The following MMAB variants were observed in gnomAD, a reference collection of about 807,000 sequenced individuals.
MMAB encodes corrinoid adenosyltransferase MMAB.
In MMAB, 17 loss-of-function variants were observed where a neutral mutation model predicts 30.6. That is an observed-to-expected ratio of 0.56 (90% confidence interval 0.38 to 0.83). MMAB has a LOEUF of 0.83. MMAB is among the 40% of genes least tolerant of loss of function. The pLI is 0.00. For synonymous variants in MMAB, 134 were observed against 138.6 expected, an observed-to-expected ratio of 0.97 and a Z score of 0.23; for missense variants, 311 against 331.6, an observed-to-expected ratio of 0.94 and a Z score of 0.48.
Position 109,554,528 on chromosome 12 carries a change from C to G in MMAB, c.*2500G>C, listed in dbSNP as rs1883895814. The G allele has an allele frequency of 2.2e-6, 1 of 454,136 alleles. No homozygotes were observed. Among genetic ancestry groups the G allele is most frequent in the South Asian group, 1.6e-5 (1 of 64,482 alleles). The allele number at this position is 454,136 out of a possible 1,614,324, so 28.1% of individuals were successfully genotyped here. On this transcript the variant is annotated 3_prime_UTR_variant, in exon 9 of 9. Coordinates refer to ENST00000545712, the MANE Select transcript of MMAB (RefSeq NM_052845.4). ...ATCTACGATAAGCAAGGGATCACGA[C>G]TTTAAATAAAAACAGGCTGCTGTTT...
In MMAB at chr12:109,561,495, C is replaced by G; in HGVS notation, c.444G>C (p.Gly148=). The part of the protein sequence containing the change: ...AHLKYTTFKA[G]PILELEQWID... ...TCCACTGCTCCAGCTCCAGGATGGG[C>G]CCCGCCTTGAACGTGGTATACTCTG... The change falls in exon 6 of 9, where the codon GGG becomes GGC. Residue 148 remains glycine, a synonymous_variant. Transcript: ENST00000545712. This position sits in a 1 kb window ranked among gnomAD's most constrained non-coding sequence, Gnocchi z 5.3. The G allele has an allele frequency of 6.5e-7, 1 of 1,549,916 alleles. No individual in the cohort carries two copies. Among genetic ancestry groups the G allele is most frequent in the South Asian group, 1.2e-5 (1 of 84,032 alleles).
chr12:109,555,658 G>T lies in MMAB; in HGVS notation c.*1370C>A, dbSNP rs1192530727. 1 of 451,112 alleles carries T rather than the reference G, an allele frequency of 2.2e-6. No homozygotes were observed. Among genetic ancestry groups the T allele is most frequent in the African/African-American group, 2.0e-5 (1 of 49,862 alleles). 27.9% of individuals were successfully genotyped at this position (451,112 alleles called of 1,614,324 possible). On this transcript the variant is annotated 3_prime_UTR_variant, in exon 9 of 9. Transcript: ENST00000545712. Reference sequence around the variant, plus strand: ...AGGCACGGAACAAAGCCACCTCCTGGAAGGCATTCACACACTCCTGGTCAT... The same window carrying T: ...AGGCACGGAACAAAGCCACCTCCTGTAAGGCATTCACACACTCCTGGTCAT...
rs894120582 is a variant in MMAB at position 109,569,833 on chromosome 12, G to T, written c.197-970C>A. 1.3e-5 allele frequency: 2 copies of T among 158,460 alleles called. No homozygotes were observed. The highest frequency in any genetic ancestry group is 2.8e-5 in the Non-Finnish European group (2 of 71,418). 9.8% of individuals were successfully genotyped at this position (158,460 alleles called of 1,614,324 possible). ...CACTGCGGAAGAACGTCTGAGCACA[G>T]ACGACTGTGTCCAAACTCCAAAAGA... On this transcript the variant is annotated intron_variant, in intron 2 of 8. Transcript: ENST00000545712. This position sits in a 1 kb window ranked among gnomAD's most constrained non-coding sequence, Gnocchi z 4.1.
At chr12:109,560,970 T>TGGGGGGGCC in intron 7 of MMAB, 70 bp downstream of exon 7, 2 of 808,206 alleles carry the variant, frequency 2.5e-6, no homozygotes, top group Non-Finnish European at 2.0e-6. Flanking sequence ...CTCCTCTCCC[T>TGGGGGGGCC]CTCCCTCCCC....
intron 1 of MMAB, among the ~76,000 whole-genome samples, chr12:109,572,734 C>T (rs1475976565): frequency 6.6e-6 from 1 of 152,098 alleles, no homozygotes; most frequent in African/African-American, 2.4e-5. Context: ...TATACTCCAC[C>T]AACTCAGGGC....
chr12:109,556,981 C>T lies in MMAB; in HGVS notation c.*47G>A, dbSNP rs757826138. 26 of 1,301,710 alleles carry T rather than the reference C, an allele frequency of 2.0e-5. No homozygotes were observed. The highest frequency in any genetic ancestry group is 1.2e-4 in the Admixed American group (7 of 59,302). 80.6% of individuals were successfully genotyped at this position (1,301,710 alleles called of 1,614,324 possible). ...CCAGAAGGGCAAGCTCCTCTCTCCA[C>T]GGCCATCGCCATGGAGGGATCCTCC... On this transcript the variant is annotated 3_prime_UTR_variant, in exon 9 of 9. Coordinates refer to ENST00000545712, the MANE Select transcript of MMAB (RefSeq NM_052845.4).
intron 1 of MMAB, among the ~76,000 whole-genome samples, chr12:109,572,177 C>T (rs1884663514): frequency 6.6e-6 from 1 of 152,028 alleles, no homozygotes; most frequent in Non-Finnish European, 1.5e-5. Context: ...GAGTGGGATG[C>T]CCAAAACTGT....
In MMAB at chr12:109,561,015, C is replaced by G; in HGVS notation, c.584+25G>C. On this transcript the variant is annotated intron_variant, in intron 7 of 8. Transcript: ENST00000545712. This position sits in a 1 kb window ranked among gnomAD's most constrained non-coding sequence, Gnocchi z 5.3. ...TGTTCCTCTCCCTCTCCCTTGGGCC[C>G]TCTCCCTCTCTCCAGCCCTCTTACC... The G allele has an allele frequency of 1.3e-6, 2 of 1,587,456 alleles. No homozygotes were observed. Among genetic ancestry groups the G allele is most frequent in the Non-Finnish European group, 1.7e-6 (2 of 1,162,840 alleles).
At chr12:109,557,566 T>C (rs1884025549) in intron 8 of MMAB, among the ~76,000 whole-genome samples, 1 of 152,204 alleles carries the variant, frequency 6.6e-6, no homozygotes, top group Non-Finnish European at 1.5e-5. Context: ...TGGGCTGGGC[T>C]GGGCCCGGGG....
Position 109,558,883 on chromosome 12 carries a change from C to T in MMAB, c.644+213G>A, listed in dbSNP as rs112082462. 0.048 allele frequency among the ~76,000 whole-genome samples: 7,260 copies of T among 152,160 alleles called. 513 individuals are homozygous for T. The highest frequency in any genetic ancestry group is 0.16 in the African/African-American group (6,789 of 41,462). On this transcript the variant is annotated intron_variant, in intron 8 of 8. Coordinates refer to ENST00000545712, the MANE Select transcript of MMAB (RefSeq NM_052845.4). The surrounding 1 kb of genome is among the most constrained non-coding windows in gnomAD (Gnocchi z 4.3). ...TCTCCCAATAAGATCTAAATCTTAT[C>T]GGGACAGGCACAGGGCCCACCTTGT...
intron 2 of MMAB, 101 bp from the exon 3 acceptor site, chr12:109,568,964 T>G (rs1220899391): frequency 2.2e-6 from 2 of 896,278 alleles, no homozygotes; most frequent in East Asian, 5.1e-5. Flanking sequence ...AACTTTCTCT[T>G]TTTTGAACAG....
intron 3 of MMAB, 144 bp downstream of exon 3, chr12:109,568,626 G>A: frequency 1.3e-6 from 1 of 750,658 alleles, no homozygotes; most frequent in South Asian, 1.4e-5. Flanking sequence ...GAGCTGACCA[G>A]CCTGTGCTTC....
intron 7 of MMAB, 60 bp from the exon 8 acceptor site, chr12:109,559,215 G>T: frequency 7.6e-7 from 1 of 1,311,134 alleles, no homozygotes. Context: ...GCTCTGACCT[G>T]GGCCTAAACC....
chr12:109,560,037 CG>C (rs1377963985), intron 7 of MMAB, among the ~76,000 whole-genome samples: 1 of 152,244 alleles, frequency 6.6e-6, no homozygotes, highest in Non-Finnish European at 1.5e-5. Context: ...TGCCTGTTTT[CG>C]GGGCCTTTGG....
At chr12:109,566,154 TG>T (rs1402346468) in intron 3 of MMAB, among the ~76,000 whole-genome samples, 1 of 152,182 alleles carries the variant, frequency 6.6e-6, no homozygotes, top group African/African-American at 2.4e-5. Flanking sequence ...CATGCACCAC[TG>T]GGGAACAGGG....
rs1884506258 is a variant in MMAB at position 109,568,220 on chromosome 12, C to T, written c.290+550G>A. 3 of 162,910 alleles carry T rather than the reference C, an allele frequency of 1.8e-5. No individual in the cohort carries two copies. In the South Asian group the frequency reaches 5.0e-4, roughly 27 times the overall value. 10.1% of individuals were successfully genotyped at this position (162,910 alleles called of 1,614,324 possible). A position where few individuals can be genotyped will look rare whatever the true frequency, so the allele number is the denominator to read the frequency against. On this transcript the variant is annotated intron_variant, in intron 3 of 8. Transcript: ENST00000545712. ...AGCAGCTGTACTAGCAGCCTGTGTC[C>T]CAGAATGAAGGCCGCATGGAGCCAA...
chr12:109,554,363 C>T lies in MMAB; in HGVS notation c.*2665G>A. 2.2e-6 allele frequency: 1 copy of T among 454,090 alleles called. No homozygotes were observed. Among genetic ancestry groups the T allele is most frequent in the Non-Finnish European group, 4.4e-6 (1 of 226,784 alleles). 28.1% of individuals were successfully genotyped at this position (454,090 alleles called of 1,614,324 possible). A position where few individuals can be genotyped will look rare whatever the true frequency, so the allele number is the denominator to read the frequency against. On this transcript the variant is annotated 3_prime_UTR_variant, in exon 9 of 9. Transcript: ENST00000545712. ...TGCCAGCTTGTCTCTGGAAATGACACTAAACACCCCATTCCAGGGAGCCTG... is the reference window on the plus strand; with the variant it reads ...TGCCAGCTTGTCTCTGGAAATGACATTAAACACCCCATTCCAGGGAGCCTG...
In MMAB at chr12:109,569,154, C is replaced by T. The variant is rs1255943310; in HGVS notation, c.197-291G>A. Among the ~76,000 whole-genome samples, 1 of 152,058 alleles carries T rather than the reference C, an allele frequency of 6.6e-6. No individual in the cohort carries two copies. Among genetic ancestry groups the T allele is most frequent in the South Asian group, 2.1e-4 (1 of 4,826 alleles). On this transcript the variant is annotated intron_variant, in intron 2 of 8. Transcript: ENST00000545712. The surrounding 1 kb of genome is among the most constrained non-coding windows in gnomAD (Gnocchi z 4.1). ...AGAGACGGGTTTTCGCCCATGTTGG[C>T]CGAGCTAGTCTTGAACTCCTGGTCT...
intron 2 of MMAB, among the ~76,000 whole-genome samples, chr12:109,570,585 G>A (rs898791452): frequency 3.3e-5 from 5 of 152,110 alleles, no homozygotes; most frequent in South Asian, 2.1e-4. Context: ...ATGGTATACT[G>A]TCTTGGTGCG....
Sources: allele counts gnomAD v4.1 joint callset (sites outside exome capture counted in the v4.1 genomes callset), GRCh38; gene constraint gnomAD v4.1.1; non-coding constraint Gnocchi (gnomAD v3.1); transcripts MANE v1.5; gene names NCBI Gene and HGNC (gene_info 2026-07-23, HGNC 2026-07-21).